DOCK8: variants seen among roughly 807,000 people sequenced by gnomAD.
DOCK8 encodes dedicator of cytokinesis protein 8.
A neutral mutation model predicts 245.6 loss-of-function variants in DOCK8; 141 were observed. That is an observed-to-expected ratio of 0.57 (90% confidence interval 0.50 to 0.66). DOCK8 has a LOEUF of 0.66. Among genes scored for constraint, DOCK8 ranks in the 30% least tolerant of loss-of-function variants. The pLI, the probability that DOCK8 is intolerant of heterozygous loss-of-function variation, is 0.00. For missense variants in DOCK8, 2,965 were observed against 2,603.4 expected (o/e 1.14, Z -3.02); for synonymous variants, 1,168 against 970.2 (o/e 1.20, Z -3.79).
intron 1 of DOCK8, chr9:268,260 C>A (rs2048079173): frequency 6.6e-6 from 1 of 152,106 alleles, no homozygotes; most frequent in Admixed American, 6.5e-5. Context: ...TAATTGCCTT[C>A]TGTATAATTG....
intron 32 of DOCK8, among the ~76,000 whole-genome samples, chr9:421,745 A>G (rs944871983): frequency 1.3e-5 from 2 of 152,198 alleles, no homozygotes; most frequent in Admixed American, 6.5e-5. Context: ...TTTGACACCC[A>G]TACTTTCATA....
intron 32 of DOCK8, among the ~76,000 whole-genome samples, chr9:421,597 A>G (rs943266956): frequency 1.3e-5 from 2 of 152,194 alleles, no homozygotes; most frequent in African/African-American, 2.4e-5. Flanking sequence ...CTTGAATAGA[A>G]TGAAATCCCC....
At chr9:319,821 G>C (rs1461975802) in intron 7 of DOCK8, among the ~76,000 whole-genome samples, 1 of 151,720 alleles carries the variant, frequency 6.6e-6, no homozygotes, top group Non-Finnish European at 1.5e-5. Context: ...GTATTTTTCT[G>C]TTTTGTGTTT....
At chr9:363,010 G>A (rs745540262) in intron 14 of DOCK8, among the ~76,000 whole-genome samples, 33 of 152,170 alleles carry the variant, frequency 2.2e-4, no homozygotes, top group Non-Finnish European at 4.1e-4. Context: ...AACCCCCAGA[G>A]CTGCTCAATT....
Position 215,186 on chromosome 9 carries a change from G to A in DOCK8, c.53+157G>A, listed in dbSNP as rs199908377. On this transcript the variant is annotated intron_variant, in intron 1 of 47. Coordinates refer to ENST00000432829, the MANE Select transcript of DOCK8 (RefSeq NM_203447.4). Reference sequence around the variant, plus strand: ...GCGCCCGGTTCCCGAGGCTGCGGCGGTGGAGCCGCTGGACGCGCGGCGGCT... The same window carrying A: ...GCGCCCGGTTCCCGAGGCTGCGGCGATGGAGCCGCTGGACGCGCGGCGGCT... 2.0e-3 allele frequency: 3,015 copies of A among 1,513,790 alleles called. 7 individuals carry two copies. The highest frequency in any genetic ancestry group is 2.5e-3 in the Non-Finnish European group (2,788 of 1,136,118). 93.8% of individuals were successfully genotyped at this position (1,513,790 alleles called of 1,614,324 possible). A position where few individuals can be genotyped will look rare whatever the true frequency, so the allele number is the denominator to read the frequency against.
rs138210003 is a variant in DOCK8, at chr9:406,968, C to G, written c.3429C>G (p.Ile1143Met). ...GCTCCAGCTTCCAGGACCAGAAGAT[C>G]GCCAGCATGTTCGATCTGACTTCCG... ...SSCSSFQDQK[I>M]ASMFDLTSEY... Residue 1143 changes from isoleucine (I) to methionine (M), a missense_variant, in exon 28 of 48, where the codon ATC (isoleucine) becomes ATG (methionine). Physicochemically the swap from Ile to Met is conservative, Grantham distance 10. Transcript: ENST00000432829. The G allele has an allele frequency of 5.6e-6, 9 of 1,614,108 alleles. No individual in the cohort carries two copies. The highest frequency in any genetic ancestry group is 1.7e-5 in the Admixed American group (1 of 60,018).
chr9:341,844 GCTC>G (rs1459950759), intron 14 of DOCK8, among the ~76,000 whole-genome samples: 1 of 152,142 alleles, frequency 6.6e-6, no homozygotes, highest in East Asian at 1.9e-4. Flanking sequence ...TACCACCTGA[GCTC>G]CTCCTCCTGT....
chr9:431,896 C>G (rs1372127878), intron 36 of DOCK8, among the ~76,000 whole-genome samples: 2 of 152,194 alleles, frequency 1.3e-5, no homozygotes, highest in African/African-American at 4.8e-5. Flanking sequence ...AATCTTCCAG[C>G]TTGCAGCACA....
intron 1 of DOCK8, among the ~76,000 whole-genome samples, chr9:216,959 G>C (rs2131320898): frequency 6.6e-6 from 1 of 152,248 alleles, no homozygotes; most frequent in African/African-American, 2.4e-5. Flanking sequence ...CATTGGACAT[G>C]TTACTTAACT....
At position 394,329 on chromosome 9, in the gene DOCK8, A is replaced by C. The variant is rs577811329; in HGVS notation, c.2971-2456A>C. 2.6e-5 allele frequency among the ~76,000 whole-genome samples: 4 copies of C among 152,382 alleles called. No individual in the cohort carries two copies. The South Asian group carries it at 8.3e-4, about 32-fold the overall frequency. Reference sequence around the variant, plus strand: ...ATCCCCCAGCCAGAACTTTGCAAGGAAATTGATCTCAGACTCAGACAAGGT... The same window carrying C: ...ATCCCCCAGCCAGAACTTTGCAAGGCAATTGATCTCAGACTCAGACAAGGT... On this transcript the variant is annotated intron_variant, in intron 24 of 47. Transcript: ENST00000432829.
chr9:246,106 C>A (rs983027913), intron 1 of DOCK8, among the ~76,000 whole-genome samples: 1 of 152,014 alleles, frequency 6.6e-6, no homozygotes, highest in Admixed American at 6.6e-5. Context: ...GTAGTTCCAG[C>A]TACTTGGGAG....
intron 44 of DOCK8, among the ~76,000 whole-genome samples, 175 bp from the exon 45 acceptor site, chr9:449,609 A>C (rs1019873202): frequency 6.6e-6 from 1 of 152,228 alleles, no homozygotes; most frequent in Non-Finnish European, 1.5e-5. Context: ...ATAAGGAATC[A>C]AGAAATGTTA....
intron 1 of DOCK8, among the ~76,000 whole-genome samples, chr9:261,807 C>T (rs984816748): frequency 5.3e-5 from 8 of 152,102 alleles, no homozygotes; most frequent in Non-Finnish European, 7.4e-5. Flanking sequence ...ATTGTTGTGT[C>T]TTCCTGGTGG....
chr9:375,842 G>C (rs1033682912), intron 18 of DOCK8, among the ~76,000 whole-genome samples: 1 of 152,080 alleles, frequency 6.6e-6, no homozygotes, highest in Non-Finnish European at 1.5e-5. Flanking sequence ...ACAAAAAATA[G>C]AAAAATTAGT....
chr9:258,209 A>G (rs929714377), intron 1 of DOCK8, among the ~76,000 whole-genome samples: 2 of 152,242 alleles, frequency 1.3e-5, no homozygotes, highest in African/African-American at 4.8e-5. Context: ...CTTGAATAGC[A>G]GAGGCTGGAA....
chr9:214,779 C>A (rs369475517), upstream of DOCK8: 10 of 1,548,252 alleles, frequency 6.5e-6, no homozygotes, highest in Non-Finnish European at 7.8e-6. Flanking sequence ...GGTGGCGGAG[C>A]CGGCCGTCGC....
intron 1 of DOCK8, among the ~76,000 whole-genome samples, chr9:246,914 C>G (rs529363969): frequency 6.6e-6 from 1 of 152,164 alleles, no homozygotes; most frequent in East Asian, 1.9e-4. Flanking sequence ...CTGTGCCTGT[C>G]TAATTTGTCA....
intron 35 of DOCK8, 74 bp downstream of exon 35, chr9:428,570 C>T (rs1005610048): frequency 1.9e-6 from 3 of 1,568,952 alleles, no homozygotes; most frequent in African/African-American, 1.3e-5. Flanking sequence ...CTTCTCTCTT[C>T]AGGTGGACCA....
chr9:394,593 A>C (rs1459548004), intron 24 of DOCK8, among the ~76,000 whole-genome samples: 2 of 152,210 alleles, frequency 1.3e-5, no homozygotes, highest in Non-Finnish European at 2.9e-5. Flanking sequence ...CGACTTTCAC[A>C]CTTGCTAATG....
Sources: allele counts gnomAD v4.1 joint callset (sites outside exome capture counted in the v4.1 genomes callset), GRCh38; gene constraint gnomAD v4.1.1; transcripts MANE v1.5; gene names NCBI Gene and HGNC (gene_info 2026-07-23, HGNC 2026-07-21).